Variants in DYM observed in about 807,000 individuals in gnomAD.
The protein encoded by DYM is dyggve-Melchior-Clausen syndrome protein.
DYM carries 78 observed loss-of-function variants against 93.1 expected under a neutral mutation model. The observed-to-expected ratio is 0.84, with a 90% CI of 0.70 to 1.01. The LOEUF (loss-of-function observed/expected upper bound fraction) is 1.01, where lower values mean the gene tolerates loss of function less well. DYM is among the 50% of genes least tolerant of loss of function. The pLI, the probability that DYM is intolerant of heterozygous loss-of-function variation, is 0.00. For missense variants in DYM, 789 were observed against 845.0 expected (o/e 0.93, Z 0.82); for synonymous variants, 321 against 319.7 (o/e 1.00, Z -0.04).
intron 13 of DYM, among the ~76,000 whole-genome samples, chr18:49,249,008 T>C (rs2094228464): frequency 6.6e-6 from 1 of 152,214 alleles, no homozygotes; most frequent in Non-Finnish European, 1.5e-5. Flanking sequence ...GCAAACTGAA[T>C]GACCACCAAG....
At chr18:49,106,011 T>TA (rs906284110) in intron 16 of DYM, among the ~76,000 whole-genome samples, 4 of 152,218 alleles carry the variant, frequency 2.6e-5, no homozygotes, top group African/African-American at 9.7e-5. Context: ...AGTGGGGTGT[T>TA]AGAGTCTCCC....
At chr18:49,327,153 A>C (rs1017672604) in intron 8 of DYM, among the ~76,000 whole-genome samples, 1 of 152,094 alleles carries the variant, frequency 6.6e-6, no homozygotes, top group African/African-American at 2.4e-5. Context: ...CAATCTGGAT[A>C]AAGTTACATA....
At chr18:49,432,599 AT>A (rs35279467) in intron 1 of DYM, among the ~76,000 whole-genome samples, 311 of 129,554 alleles carry the variant, frequency 2.4e-3, no homozygotes, top group Admixed American at 5.4e-3. Flanking sequence ...CAGCATTAAA[AT>A]TTTTTTTTTT....
intron 17 of DYM, among the ~76,000 whole-genome samples, chr18:49,072,605 C>T (rs1046277744): frequency 3.3e-5 from 5 of 152,238 alleles, no homozygotes; most frequent in Admixed American, 2.0e-4. Context: ...TGAGGTTTGG[C>T]AACGTGAGAA....
At chr18:49,161,630 T>C (rs939545806) in intron 15 of DYM, among the ~76,000 whole-genome samples, 2 of 152,198 alleles carry the variant, frequency 1.3e-5, no homozygotes, top group African/African-American at 2.4e-5. Flanking sequence ...AAGCGAGCTG[T>C]TATGCTAATT....
rs1389247135 is a variant in DYM at position 49,067,205 on chromosome 18, T to C, written c.2026-23001A>G. 5.5e-4 allele frequency among the ~76,000 whole-genome samples: 72 copies of C among 131,130 alleles called. 1 individual carries two copies. Among genetic ancestry groups the C allele is most frequent in the Admixed American group, 2.5e-4 (3 of 12,212 alleles). The allele number at this position is 131,130 out of a possible 152,430, so 86.0% of individuals were successfully genotyped here. A position where few individuals can be genotyped will look rare whatever the true frequency, so the allele number is the denominator to read the frequency against. On this transcript the variant is annotated intron_variant, in intron 17 of 17. Coordinates refer to ENST00000675505, the MANE Select transcript of DYM (RefSeq NM_001353214.3). The stretch of plus-strand genomic sequence containing the variant: ...TTCAGTAGAGGAAGGAGTGGGGTGA[T>C]GTGAGCACTATGCAGGTTCAGTAGA...
chr18:49,193,107 C>T (rs763827762), intron 14 of DYM, among the ~76,000 whole-genome samples: 17 of 152,070 alleles, frequency 1.1e-4, no homozygotes, highest in Non-Finnish European at 2.1e-4. Context: ...ACTAGCTTAA[C>T]TTAATCTTTC....
intron 15 of DYM, among the ~76,000 whole-genome samples, chr18:49,147,019 C>T (rs1407774861): frequency 6.6e-6 from 1 of 152,100 alleles, no homozygotes; most frequent in Non-Finnish European, 1.5e-5. Flanking sequence ...TGGAACAGAA[C>T]AGAGCCCTCA....
chr18:49,070,083 A>G (rs187314767), intron 17 of DYM, among the ~76,000 whole-genome samples: 119 of 152,280 alleles, frequency 7.8e-4, no homozygotes, highest in Non-Finnish European at 1.6e-3. Flanking sequence ...TCAAGCAAAG[A>G]GTATGGCTGT....
At chr18:49,072,182 C>T (rs77037767) in intron 17 of DYM, among the ~76,000 whole-genome samples, 2,789 of 152,334 alleles carry the variant, frequency 0.018, 87 homozygotes, top group African/African-American at 0.062. Flanking sequence ...CAAACATTCT[C>T]TGTGCCATAC....
intron 1 of DYM, among the ~76,000 whole-genome samples, chr18:49,457,958 G>C (rs553278561): frequency 1.6e-4 from 25 of 152,292 alleles, no homozygotes; most frequent in South Asian, 1.2e-3. Flanking sequence ...CTAGAAGCTG[G>C]AAGAGGCATA....
chr18:49,194,739 A>C (rs2091290220), intron 14 of DYM, among the ~76,000 whole-genome samples: 1 of 151,990 alleles, frequency 6.6e-6, no homozygotes, highest in African/African-American at 2.4e-5. Context: ...TCTCATAAGT[A>C]ACACAAAAAA....
At chr18:49,097,729 C>A (rs1388855610) in intron 16 of DYM, among the ~76,000 whole-genome samples, 2 of 152,158 alleles carry the variant, frequency 1.3e-5, no homozygotes, top group African/African-American at 4.8e-5. Context: ...ATTATTCATT[C>A]TGTGAATTAA....
At chr18:49,175,819 A>G (rs2089310147) in intron 14 of DYM, among the ~76,000 whole-genome samples, 1 of 152,148 alleles carries the variant, frequency 6.6e-6, no homozygotes, top group Non-Finnish European at 1.5e-5. Context: ...TCTTCTTCAA[A>G]AACTCTATAT....
chr18:49,044,461 C>G (rs954525565), intron 17 of DYM, among the ~76,000 whole-genome samples: 1 of 152,202 alleles, frequency 6.6e-6, no homozygotes, highest in African/African-American at 2.4e-5. Context: ...TAGTTCCCTG[C>G]TAGGGACCCC....
intron 15 of DYM, among the ~76,000 whole-genome samples, chr18:49,140,807 A>T (rs1005233117): frequency 2.0e-5 from 3 of 152,136 alleles, no homozygotes; most frequent in East Asian, 1.9e-4. Context: ...TCAACTAAAA[A>T]ACCTATTCCC....
intron 11 of DYM, among the ~76,000 whole-genome samples, chr18:49,267,127 T>A (rs1271426226): frequency 6.6e-6 from 1 of 151,840 alleles, no homozygotes; most frequent in Non-Finnish European, 1.5e-5. Flanking sequence ...AAGAAGAGAA[T>A]AGACACATTA....
intron 5 of DYM, among the ~76,000 whole-genome samples, chr18:49,364,704 C>T (rs2066352008): frequency 6.6e-6 from 1 of 152,136 alleles, no homozygotes; most frequent in Non-Finnish European, 1.5e-5. Context: ...GTCCTGCATC[C>T]CTTTCTACAT....
At position 49,254,307 on chromosome 18, in the gene DYM, TATATATATATATATATATAC is replaced by T. The variant is rs2094348537; in HGVS notation, c.1460+2683_1460+2702del. ...ATATATATATATATATATATATATA[TATATATATATATATATATAC>T]ACACATAGATGGGTCCTGGTCTTAT... On this transcript the variant is annotated intron_variant, in intron 13 of 17. Coordinates refer to ENST00000675505, the MANE Select transcript of DYM (RefSeq NM_001353214.3). Among the ~76,000 whole-genome samples the T allele has an allele frequency of 1.2e-4, 5 of 42,870 alleles. No homozygotes were observed. The Admixed American group carries it at 1.5e-3, about 13-fold the overall frequency. The allele number at this position is 42,870 out of a possible 152,430, so 28.1% of individuals were successfully genotyped here.
Sources: gnomAD v4.1 joint callset for allele counts (sites outside exome capture counted in the v4.1 genomes callset) on GRCh38, gnomAD v4.1.1 for gene constraint, MANE v1.5 for transcripts, NCBI Gene and HGNC (gene_info 2026-07-23, HGNC 2026-07-21) for gene names.